The following CYP4X1 variants were observed in gnomAD, a reference collection of about 807,000 sequenced individuals.
The protein encoded by CYP4X1 is cytochrome P450 4X1.
Under a neutral mutation model 57.9 loss-of-function variants are expected in CYP4X1, and 44 were observed. That is an observed-to-expected ratio of 0.76 (90% confidence interval 0.60 to 0.98). The LOEUF (loss-of-function observed/expected upper bound fraction) is 0.98. CYP4X1 is among the 50% of genes least tolerant of loss of function. CYP4X1 has a pLI of 0.00. For missense variants in CYP4X1, 532 were observed against 623.9 expected, an observed-to-expected ratio of 0.85 and a Z score of 1.57; for synonymous variants, 227 against 228.6, an observed-to-expected ratio of 0.99 and a Z score of 0.06.
chr1:46,970,030 C>A, the CYP4X1 span, among the ~76,000 whole-genome samples: 1 of 152,142 alleles, frequency 6.6e-6, no homozygotes, highest in Non-Finnish European at 1.5e-5. Context: ...GTAAGACTAG[C>A]AAGGTGTCTG....
intron 1 of CYP4X1, among the ~76,000 whole-genome samples, chr1:47,028,578 G>A (rs1644094607): frequency 6.6e-6 from 1 of 152,142 alleles, no homozygotes; most frequent in African/African-American, 2.4e-5. Flanking sequence ...ATGCTTCTCT[G>A]GGGATGAAGA....
At chr1:47,021,813 G>A (rs72890394), upstream of CYP4X1, among the ~76,000 whole-genome samples, 2,611 of 152,258 alleles carry the variant, frequency 0.017, 73 homozygotes, top group African/African-American at 0.06. Flanking sequence ...GGGAGTAGGT[G>A]AGCCAAGGGG....
At chr1:47,045,549 G>T (rs1334265348) in intron 8 of CYP4X1, among the ~76,000 whole-genome samples, 1 of 152,110 alleles carries the variant, frequency 6.6e-6, no homozygotes, top group Non-Finnish European at 1.5e-5. Context: ...ATCCCAGCTT[G>T]GTACTTCTTT....
chr1:46,962,439 A>G, the CYP4X1 span, among the ~76,000 whole-genome samples: 6 of 152,300 alleles, frequency 3.9e-5, no homozygotes, highest in Non-Finnish European at 8.8e-5. Flanking sequence ...TTCTGAATTG[A>G]TTCTGGGTTT....
At chr1:46,966,292 G>A in the CYP4X1 span, among the ~76,000 whole-genome samples, 3 of 152,180 alleles carry the variant, frequency 2.0e-5, no homozygotes, top group Admixed American at 6.5e-5. Flanking sequence ...TTTCTGCCTT[G>A]CCAAGGATCC....
chr1:46,976,349 C>T, the CYP4X1 span, among the ~76,000 whole-genome samples: 40 of 152,276 alleles, frequency 2.6e-4, no homozygotes, highest in East Asian at 3.9e-3. Flanking sequence ...TCACTGCTAG[C>T]ACAGCAGTCC....
chr1:47,052,550 C>G (rs1644366209), downstream of CYP4X1, among the ~76,000 whole-genome samples: 1 of 152,032 alleles, frequency 6.6e-6, no homozygotes, highest in Non-Finnish European at 1.5e-5. Context: ...TGGCATTCAC[C>G]ATGGTACTCT....
intron 3 of CYP4X1, among the ~76,000 whole-genome samples, chr1:47,032,868 G>A (rs1644138763): frequency 6.6e-6 from 1 of 152,044 alleles, no homozygotes; most frequent in African/African-American, 2.4e-5. Context: ...GCAACACAGG[G>A]AAAAAGGTAT....
intron 7 of CYP4X1, among the ~76,000 whole-genome samples, chr1:47,039,039 G>A (rs1366100992): frequency 6.6e-6 from 1 of 152,080 alleles, no homozygotes; most frequent in African/African-American, 2.4e-5. Flanking sequence ...ATGAAAAAAT[G>A]GTCACATGGA....
At chr1:46,966,027 T>C in the CYP4X1 span, among the ~76,000 whole-genome samples, 1 of 152,230 alleles carries the variant, frequency 6.6e-6, no homozygotes, top group Non-Finnish European at 1.5e-5. Context: ...AGATCCTTCC[T>C]TGTCTGGACC....
intron 1 of CYP4X1, among the ~76,000 whole-genome samples, chr1:47,024,749 C>T (rs1190585674): frequency 6.6e-6 from 1 of 152,022 alleles, no homozygotes; most frequent in Non-Finnish European, 1.5e-5. Context: ...GAATATCTGT[C>T]GGAGGAAAGT....
the CYP4X1 span, among the ~76,000 whole-genome samples, chr1:46,998,745 T>C: frequency 7.1e-6 from 1 of 141,802 alleles, no homozygotes; most frequent in East Asian, 2.5e-4. Flanking sequence ...TGAGTGAATT[T>C]TTGTATATGG....
intron 8 of CYP4X1, among the ~76,000 whole-genome samples, chr1:47,042,311 A>G: frequency 6.7e-6 from 1 of 149,800 alleles, no homozygotes; most frequent in Non-Finnish European, 1.5e-5. Context: ...GATTACTGTG[A>G]ATAATGCCAT....
chr1:46,986,632 G>T, the CYP4X1 span, among the ~76,000 whole-genome samples: 2 of 152,180 alleles, frequency 1.3e-5, no homozygotes, highest in Non-Finnish European at 2.9e-5. Context: ...GGCAGCTAGA[G>T]AGAAAGGTCG....
rs1275845991 is a variant in CYP4X1, at chr1:47,050,187, A to G, written c.*13A>G. The G allele has an allele frequency of 1.2e-6, 2 of 1,613,310 alleles. No homozygotes were observed. Among genetic ancestry groups the G allele is most frequent in the Admixed American group, 1.7e-5 (1 of 59,916 alleles). ...CTCTGAATGTTAGATCTCAGGGTAC[A>G]ATGATTAAACGTACTTTGTTTTTCG... On this transcript the variant is annotated 3_prime_UTR_variant, in exon 12 of 12. Coordinates refer to ENST00000371901, the MANE Select transcript of CYP4X1 (RefSeq NM_178033.2).
intron 8 of CYP4X1, among the ~76,000 whole-genome samples, chr1:47,043,492 T>C (rs1644269475): frequency 6.6e-6 from 1 of 152,086 alleles, no homozygotes; most frequent in Non-Finnish European, 1.5e-5. Context: ...TCGTTGTTGT[T>C]GTTTTTTGGG....
At chr1:47,034,817 C>T (rs561574322) in intron 4 of CYP4X1, among the ~76,000 whole-genome samples, 8 of 152,084 alleles carry the variant, frequency 5.3e-5, no homozygotes, top group African/African-American at 1.9e-4. Context: ...TTCCTCCCCT[C>T]CTCATTTCTC....
At chr1:47,031,356 C>A in intron 2 of CYP4X1, 80 bp from the exon 3 acceptor site, 2 of 1,534,314 alleles carry the variant, frequency 1.3e-6, no homozygotes, top group Non-Finnish European at 9.0e-7. Context: ...TGCAGAAATG[C>A]AGAAAACCGT....
At chr1:47,043,194 T>G (rs1010537794) in intron 8 of CYP4X1, among the ~76,000 whole-genome samples, 1 of 152,224 alleles carries the variant, frequency 6.6e-6, no homozygotes, top group African/African-American at 2.4e-5. Context: ...TGATTTGCAT[T>G]TCCCTGATCA....
Sources: gnomAD v4.1 joint callset for allele counts (sites outside exome capture counted in the v4.1 genomes callset) on GRCh38, gnomAD v4.1.1 for gene constraint, MANE v1.5 for transcripts, NCBI Gene and HGNC (gene_info 2026-07-23, HGNC 2026-07-21) for gene names.